The following TLN2 variants were observed in gnomAD, a reference collection of about 807,000 sequenced individuals.
The protein encoded by TLN2 is talin-2.
In TLN2, 118 loss-of-function variants were observed where a neutral mutation model predicts 294.7. The observed-to-expected ratio is 0.40, with a 90% CI of 0.34 to 0.47. The LOEUF (loss-of-function observed/expected upper bound fraction) is 0.47. Among genes scored for constraint, TLN2 ranks in the 20% least tolerant of loss-of-function variants. The pLI, the probability that TLN2 is intolerant of heterozygous loss-of-function variation, is 0.84. For synonymous variants in TLN2, 1,431 were observed against 1,304.5 expected, an observed-to-expected ratio of 1.10 and a Z score of -2.09; for missense variants, 3,083 against 3,282.2, an observed-to-expected ratio of 0.94 and a Z score of 1.48.
rs1279448632 is a variant in TLN2 at position 62,524,606 on chromosome 15, C to A, written c.-237-65081C>A. ...GTAGCCTCAGAAGGAGTAGATGAAACCACCATGAACTTTAAACAGCCCTGT... is the reference window on the plus strand; with the variant it reads ...GTAGCCTCAGAAGGAGTAGATGAAAACACCATGAACTTTAAACAGCCCTGT... On this transcript the variant is annotated intron_variant, in intron 1 of 58. Transcript: ENST00000636159. 2.0e-5 allele frequency among the ~76,000 whole-genome samples: 3 copies of A among 152,070 alleles called. No homozygotes were observed. In the East Asian group the frequency reaches 5.8e-4, roughly 29 times the overall value.
intron 1 of TLN2, among the ~76,000 whole-genome samples, chr15:62,530,343 T>TATTC (rs2040976158): frequency 6.6e-6 from 1 of 152,228 alleles, no homozygotes; most frequent in South Asian, 2.1e-4. Flanking sequence ...TTTATTTATT[T>TATTC]ATTCATGTAT....
intron 11 of TLN2, among the ~76,000 whole-genome samples, chr15:62,679,432 A>G (rs1423856652): frequency 8.8e-6 from 1 of 114,006 alleles, no homozygotes; most frequent in Non-Finnish European, 2.2e-5. Flanking sequence ...TCATTCAGCC[A>G]TAAAAAGGAA....
chr15:62,764,318 A>G (rs1205592424), intron 40 of TLN2, among the ~76,000 whole-genome samples: 1 of 151,954 alleles, frequency 6.6e-6, no homozygotes, highest in Admixed American at 6.5e-5. Flanking sequence ...TTTTACTTCT[A>G]TCTCTACCGA....
At chr15:62,732,689 A>C (rs2060795098) in intron 28 of TLN2, among the ~76,000 whole-genome samples, 1 of 152,204 alleles carries the variant, frequency 6.6e-6, no homozygotes, top group Non-Finnish European at 1.5e-5. Flanking sequence ...AAGAGATGGT[A>C]GTGTCCTACA....
At chr15:62,689,877 T>TTTA (rs71131119) in intron 12 of TLN2, among the ~76,000 whole-genome samples, 250 of 9,818 alleles carry the variant, frequency 0.025, 87 homozygotes, top group Middle Eastern at 0.17. Flanking sequence ...TTTTTTTTTT[T>TTTA]ATTGGCTGAC....
chr15:62,719,277 A>G (rs538041831), intron 24 of TLN2, among the ~76,000 whole-genome samples: 1 of 152,292 alleles, frequency 6.6e-6, no homozygotes, highest in Non-Finnish European at 1.5e-5. Context: ...TCCTTCTTAG[A>G]CAAAGAGGGG....
Position 62,647,481 on chromosome 15 carries a change from G to A in TLN2, c.136+35G>A, listed in dbSNP as rs772773448. The A allele has an allele frequency of 1.2e-5, 20 of 1,612,456 alleles. No individual in the cohort carries two copies. The East Asian group carries it at 1.8e-4, about 14-fold the overall frequency. ...GGGTTATTTACTGGCTTCTTAAAAC[G>A]TGTTTGCATGTTTTTCACTTTTTTG... On this transcript the variant is annotated intron_variant, in intron 4 of 58. Transcript: ENST00000636159.
rs1282779220 is a variant in TLN2 at position 62,805,706 on chromosome 15, A to G, written c.6584A>G (p.Asn2195Ser). 1.2e-6 allele frequency: 2 copies of G among 1,614,108 alleles called. No homozygotes were observed. Among genetic ancestry groups the G allele is most frequent in the Non-Finnish European group, 1.7e-6 (2 of 1,180,014 alleles). Residue 2195 changes from asparagine to serine, a missense_variant, in exon 51 of 59, where the codon AAC (asparagine) becomes AGC (serine). Asn to Ser is a conservative substitution (Grantham distance 46). Transcript: ENST00000636159. ...ACAGCCAAAGCCGTGGCAGCTGGGA[A>G]CTCATGTAGACAGGAGGACGTGATT... Reference protein sequence around the residue: ...MATAKAVAAGNSCRQEDVIAT... With the variant: ...MATAKAVAAGSSCRQEDVIAT...
chr15:62,429,166 A>T (rs1390342679), intron 1 of TLN2, among the ~76,000 whole-genome samples: 1 of 149,072 alleles, frequency 6.7e-6, no homozygotes, highest in Non-Finnish European at 1.5e-5. Context: ...CAATCACTCA[A>T]GCGGGGTGCA....
At chr15:62,785,911 A>C (rs138304303) in intron 45 of TLN2, among the ~76,000 whole-genome samples, 3 of 152,326 alleles carry the variant, frequency 2.0e-5, no homozygotes, top group Non-Finnish European at 4.4e-5. Context: ...AGGAAAGAGA[A>C]TGTGTTGCTA....
intron 27 of TLN2, among the ~76,000 whole-genome samples, chr15:62,726,662 C>G (rs1183889931): frequency 1.3e-5 from 2 of 152,166 alleles, no homozygotes; most frequent in Non-Finnish European, 2.9e-5. Context: ...GATGTCTGCC[C>G]ACTTCCTGCC....
intron 3 of TLN2, among the ~76,000 whole-genome samples, chr15:62,621,983 A>C: frequency 6.6e-6 from 1 of 152,136 alleles, no homozygotes; most frequent in East Asian, 1.9e-4. Context: ...ACATTTAGGA[A>C]AATCTTGCTG....
intron 40 of TLN2, among the ~76,000 whole-genome samples, chr15:62,765,608 C>T (rs1245772498): frequency 6.6e-6 from 1 of 152,216 alleles, no homozygotes; most frequent in Non-Finnish European, 1.5e-5. Flanking sequence ...TCTGATCTTT[C>T]CTGCCACTGG....
intron 8 of TLN2, among the ~76,000 whole-genome samples, chr15:62,657,162 GA>G: frequency 6.8e-6 from 1 of 146,392 alleles, no homozygotes; most frequent in Non-Finnish European, 1.5e-5. Context: ...GTGGGGGGGG[GA>G]AGCAACAGCA....
At chr15:62,569,137 T>G (rs531244462) in intron 1 of TLN2, among the ~76,000 whole-genome samples, 2 of 152,316 alleles carry the variant, frequency 1.3e-5, no homozygotes, top group East Asian at 3.9e-4. Flanking sequence ...CTTTGTGTTT[T>G]TTCTCTGTCT....
intron 1 of TLN2, among the ~76,000 whole-genome samples, chr15:62,525,014 A>G (rs1056504773): frequency 6.6e-6 from 1 of 152,232 alleles, no homozygotes; most frequent in African/African-American, 2.4e-5. Flanking sequence ...GCTCATCCTC[A>G]TAGTCATCGT....
At chr15:62,722,295 C>G (rs913092888) in intron 25 of TLN2, 58 bp from the exon 26 acceptor site, 87 of 1,548,314 alleles carry the variant, frequency 5.6e-5, no homozygotes, top group Non-Finnish European at 6.4e-5. Flanking sequence ...GCTTAGGTCT[C>G]TCCTCTCTAC....
intron 12 of TLN2, among the ~76,000 whole-genome samples, chr15:62,689,066 CTCTT>C (rs774938889): frequency 4.0e-4 from 55 of 136,104 alleles, no homozygotes; most frequent in Admixed American, 3.5e-3. Flanking sequence ...ATTTCTCTCT[CTCTT>C]TTTTTTTTTT....
rs527781153 is a variant in TLN2 at position 62,500,674 on chromosome 15, C to T, written c.-237-89013C>T. On this transcript the variant is annotated intron_variant, in intron 1 of 58. Transcript: ENST00000636159. ...TCTGAGAAATGGCTGAGAAAAGACC[C>T]GAATATCTGCTATGGCAATCTCAAG... Among the ~76,000 whole-genome samples, 8 of 152,232 alleles carry T rather than the reference C, an allele frequency of 5.3e-5. No individual in the cohort carries two copies. The South Asian group carries it at 6.2e-4, about 12-fold the overall frequency.
Sources: allele counts gnomAD v4.1 joint callset (sites outside exome capture counted in the v4.1 genomes callset), GRCh38; gene constraint gnomAD v4.1.1; transcripts MANE v1.5; gene names NCBI Gene and HGNC (gene_info 2026-07-23, HGNC 2026-07-21).